The following KANK1 variants were observed in gnomAD, a reference collection of about 807,000 sequenced individuals.
KANK1 encodes the protein KN motif and ankyrin repeat domain-containing protein 1.
A neutral mutation model predicts 106.2 loss-of-function variants in KANK1; 109 were observed. The observed-to-expected ratio is 1.03, with a 90% CI of 0.88 to 1.20. The LOEUF (loss-of-function observed/expected upper bound fraction) is 1.20, where lower values mean the gene tolerates loss of function less well. KANK1 is among the 50% of genes most tolerant of loss of function. The pLI, the probability that KANK1 is intolerant of heterozygous loss-of-function variation, is 0.00. For missense variants in KANK1, 2,399 were observed against 1,710.7 expected, an observed-to-expected ratio of 1.40 and a Z score of -7.10; for synonymous variants, 873 against 652.2, an observed-to-expected ratio of 1.34 and a Z score of -5.16.
At chr9:695,657 G>C (rs1039993413) in intron 2 of KANK1, among the ~76,000 whole-genome samples, 1 of 151,886 alleles carries the variant, frequency 6.6e-6, no homozygotes, top group Non-Finnish European at 1.5e-5. Flanking sequence ...ATCCTCTCTG[G>C]GGGGCCAGGG....
chr9:536,576 G>T (rs542644136), intron 1 of KANK1, among the ~76,000 whole-genome samples: 1 of 152,172 alleles, frequency 6.6e-6, no homozygotes, highest in Admixed American at 6.5e-5. Context: ...TCCCTTTTAC[G>T]CCTGACATTT....
In KANK1 at chr9:624,691, C is replaced by T. The variant is rs375942778; in HGVS notation, c.-83-52199C>T. On this transcript the variant is annotated intron_variant, in intron 1 of 11. Transcript: ENST00000382297. ...AGTCATTCCTGTAGTCCCAGCTACT[C>T]GGGAGGCTGAGGCAGGAGAATCACT... Among the ~76,000 whole-genome samples the T allele has an allele frequency of 6.6e-5, 10 of 152,048 alleles. No homozygotes were observed. The East Asian group carries it at 1.7e-3, about 27-fold the overall frequency.
At position 713,393 on chromosome 9, in the gene KANK1, T is replaced by C. The variant is rs547380507; in HGVS notation, c.2627T>C (p.Val876Ala). The change falls in exon 3 of 12, where the codon GTC (valine) becomes GCC (alanine). Residue 876 changes from valine (V) to alanine (A), a missense_variant. Transcript: ENST00000382297. ...LISTLSSINS[V>A]MKSASTEELR... ...AGCACCCTGTCGTCTATCAACTCTG[T>C]CATGAAATCTGCAAGCACTGAAGAG... 2.5e-6 allele frequency: 4 copies of C among 1,613,580 alleles called. No individual in the cohort carries two copies. Among genetic ancestry groups the C allele is most frequent in the Non-Finnish European group, 3.4e-6 (4 of 1,179,838 alleles).
chr9:568,730 C>T (rs1013146984), intron 1 of KANK1, among the ~76,000 whole-genome samples: 13 of 152,140 alleles, frequency 8.5e-5, no homozygotes, highest in African/African-American at 3.1e-4. Context: ...TGGCCTCCCA[C>T]CTTAACCTCC....
intron 1 of KANK1, among the ~76,000 whole-genome samples, chr9:609,070 C>T (rs1023255730): frequency 4.6e-5 from 7 of 151,648 alleles, no homozygotes; most frequent in African/African-American, 1.7e-4. Context: ...GTTCTCAGAA[C>T]TCAAAGGGAA....
chr9:580,497 T>G (rs1235841555), intron 1 of KANK1, among the ~76,000 whole-genome samples: 1 of 152,220 alleles, frequency 6.6e-6, no homozygotes, highest in East Asian at 1.9e-4. Context: ...TGGTCCATTT[T>G]GACAGGGTGC....
intron 1 of KANK1, among the ~76,000 whole-genome samples, chr9:663,562 CTCT>C (rs1843861505): frequency 6.6e-6 from 1 of 152,184 alleles, no homozygotes; most frequent in African/African-American, 2.4e-5. Flanking sequence ...CATTCTGATG[CTCT>C]TCTTTAGACT....
At chr9:565,376 G>A (rs761607846) in intron 1 of KANK1, among the ~76,000 whole-genome samples, 1 of 152,218 alleles carries the variant, frequency 6.6e-6, no homozygotes, top group Non-Finnish European at 1.5e-5. Context: ...GTTTAAGGAT[G>A]TCTTCTGCAG....
chr9:569,136 C>A (rs1230401820), intron 1 of KANK1, among the ~76,000 whole-genome samples: 1 of 152,056 alleles, frequency 6.6e-6, no homozygotes, highest in Non-Finnish European at 1.5e-5. Context: ...GCTGCCTGAC[C>A]CAGTCCTGCC....
intron 1 of KANK1, among the ~76,000 whole-genome samples, chr9:574,856 A>T: frequency 7.9e-6 from 1 of 126,052 alleles, no homozygotes; most frequent in African/African-American, 5.0e-5. Flanking sequence ...CTCCGTCTCA[A>T]AAAAAAAAAA....
intron 1 of KANK1, among the ~76,000 whole-genome samples, chr9:565,540 G>C (rs1176412079): frequency 1.3e-5 from 2 of 152,186 alleles, no homozygotes; most frequent in East Asian, 1.9e-4. Flanking sequence ...TGGGGGTTGA[G>C]GTTTTTCAAG....
chr9:688,499 G>T (rs1417892344), intron 2 of KANK1, among the ~76,000 whole-genome samples: 2 of 152,018 alleles, frequency 1.3e-5, no homozygotes, highest in Admixed American at 6.5e-5. Context: ...CCAACTACTT[G>T]GGAGGCTGAG....
chr9:558,684 C>G (rs1422089835), intron 1 of KANK1: 1 of 133,950 alleles, frequency 7.5e-6, no homozygotes, highest in Non-Finnish European at 1.6e-5. Context: ...AAGAAACCCA[C>G]AAAAATGAAA....
intron 3 of KANK1, among the ~76,000 whole-genome samples, chr9:713,895 G>C (rs531871522): frequency 5.9e-5 from 9 of 152,242 alleles, no homozygotes; most frequent in South Asian, 2.1e-4. Flanking sequence ...CAGTTAAAAC[G>C]TTTATGAGAG....
intron 3 of KANK1, among the ~76,000 whole-genome samples, chr9:497,603 T>C (rs1054457865): frequency 3.0e-4 from 45 of 151,730 alleles, no homozygotes; most frequent in African/African-American, 1.1e-3. Flanking sequence ...TTAAGGAGAG[T>C]ATAAATTGGA....
chr9:520,349 ATAAAAAT>A (rs1335746306), intron 1 of KANK1, among the ~76,000 whole-genome samples: 5 of 151,744 alleles, frequency 3.3e-5, no homozygotes, highest in East Asian at 1.9e-4. Flanking sequence ...AAAAAAATAA[ATAAAAAT>A]TAAAAAGGAA....
chr9:695,072 G>A (rs535406204), intron 2 of KANK1, among the ~76,000 whole-genome samples: 4 of 152,110 alleles, frequency 2.6e-5, no homozygotes, highest in Non-Finnish European at 5.9e-5. Flanking sequence ...TGATTCCAGG[G>A]CTCTCTTGCC....
intron 1 of KANK1, among the ~76,000 whole-genome samples, chr9:633,375 G>A (rs142786521): frequency 0.018 from 2,690 of 152,134 alleles, 39 homozygotes; most frequent in Non-Finnish European, 0.024. Context: ...GGAGAATGGC[G>A]TGAACCCGGG....
intron 1 of KANK1, among the ~76,000 whole-genome samples, chr9:600,974 C>T (rs186451050): frequency 1.3e-5 from 2 of 151,678 alleles, no homozygotes; most frequent in African/African-American, 4.9e-5. Context: ...ATGTCTCATA[C>T]CTTTCTGTGC....
Sources: allele counts gnomAD v4.1 joint callset (sites outside exome capture counted in the v4.1 genomes callset), GRCh38; gene constraint gnomAD v4.1.1; transcripts MANE v1.5; gene names NCBI Gene and HGNC (gene_info 2026-07-23, HGNC 2026-07-21).